USP3: variants seen among roughly 807,000 people sequenced by gnomAD.
USP3 encodes ubiquitin specific peptidase 3, also known as ubiquitin carboxyl-terminal hydrolase 3.
Under a neutral mutation model 72.3 loss-of-function variants are expected in USP3, and 20 were observed. That is an observed-to-expected ratio of 0.28 (90% CI 0.19 to 0.40). The LOEUF (loss-of-function observed/expected upper bound fraction) is 0.40, where lower values mean the gene tolerates loss of function less well. USP3 is among the 10% of genes least tolerant of loss of function. The probability of loss-of-function intolerance (pLI) is 1.00; values close to 1 mark genes in which losing one functional copy is unlikely to be tolerated. For missense variants in USP3, 479 were observed against 633.9 expected, an observed-to-expected ratio of 0.76 and a Z score of 2.62; for synonymous variants, 222 against 225.3, an observed-to-expected ratio of 0.99 and a Z score of 0.13.
At chr15:63,517,324 A>G (rs539688855) in intron 1 of USP3, among the ~76,000 whole-genome samples, 7 of 151,446 alleles carry the variant, frequency 4.6e-5, no homozygotes, top group African/African-American at 7.3e-5. Context: ...TCCTCTTGCT[A>G]TTGTTTTGCA....
chr15:63,508,998 C>G (rs1355809327), intron 1 of USP3, among the ~76,000 whole-genome samples: 1 of 151,870 alleles, frequency 6.6e-6, no homozygotes, highest in Admixed American at 6.6e-5. Flanking sequence ...GAGATAAACC[C>G]TTTTTTAAGA....
At chr15:63,533,783 T>G (rs371201278) in intron 2 of USP3, 8 of 1,070,786 alleles carry the variant, frequency 7.5e-6, no homozygotes, top group Non-Finnish European at 9.9e-6. Flanking sequence ...TTGTGGCTGT[T>G]GTGGTTTTGA....
intron 1 of USP3, among the ~76,000 whole-genome samples, chr15:63,519,229 G>C (rs781680776): frequency 6.6e-6 from 1 of 151,982 alleles, no homozygotes; most frequent in African/African-American, 2.4e-5. Flanking sequence ...AGCCACCCTG[G>C]ATCTAATCCA....
chr15:63,572,566 G>T (rs2066797196), intron 9 of USP3, among the ~76,000 whole-genome samples: 1 of 152,048 alleles, frequency 6.6e-6, no homozygotes, highest in Admixed American at 6.5e-5. Flanking sequence ...TATTTATTTT[G>T]TCAGTAAAGG....
At position 63,593,273 on chromosome 15, in the gene USP3, A is replaced by G. The variant is rs951729550; in HGVS notation, c.*2447A>G. ...ATGACAGCTCCACCTGATCTGATGT[A>G]TCACACATTAACATCACATCTAATT... is the stretch of plus-strand genomic sequence containing the variant. On this transcript the variant is annotated 3_prime_UTR_variant, in exon 15 of 15. Coordinates refer to ENST00000380324, the MANE Select transcript of USP3 (RefSeq NM_006537.4). 6.6e-6 allele frequency: 1 copy of G among 152,270 alleles called. No homozygotes were observed. The highest frequency in any genetic ancestry group is 2.4e-5 in the African/African-American group (1 of 41,480). 9.4% of individuals were successfully genotyped at this position (152,270 alleles called of 1,614,324 possible).
At chr15:63,541,319 C>T (rs1427521859) in intron 3 of USP3, among the ~76,000 whole-genome samples, 1 of 151,906 alleles carries the variant, frequency 6.6e-6, no homozygotes, top group African/African-American at 2.4e-5. Flanking sequence ...GAACATAAAG[C>T]TTTATTTGTG....
At chr15:63,513,623 C>T (rs1422955864) in intron 1 of USP3, among the ~76,000 whole-genome samples, 1 of 152,178 alleles carries the variant, frequency 6.6e-6, no homozygotes, top group African/African-American at 2.4e-5. Flanking sequence ...GATCTTTCCA[C>T]CTCAGCCTCC....
rs1318149318 is a variant in USP3 at position 63,504,731 on chromosome 15, C to T, written c.-9C>T. 3.1e-6 allele frequency: 5 copies of T among 1,601,562 alleles called. No individual in the cohort carries two copies. The Admixed American group carries it at 6.8e-5, about 22-fold the overall frequency. ...AGCCGCAGTCCTCCCAGCTGCCCTC[C>T]TCGTGGCCATGGAGTGTCCACACCT... is the stretch of plus-strand genomic sequence containing the variant. On this transcript the variant is annotated 5_prime_UTR_variant, in exon 1 of 15. Transcript: ENST00000380324.
At chr15:63,558,014 C>A in intron 5 of USP3, 92 bp from the exon 6 acceptor site, 1 of 1,343,444 alleles carries the variant, frequency 7.4e-7, no homozygotes, top group Non-Finnish European at 1.1e-6. Flanking sequence ...TGGCTTGGTG[C>A]TAGATTTCAG....
chr15:63,590,360 T>C (rs1445637771), intron 14 of USP3, among the ~76,000 whole-genome samples: 1 of 152,098 alleles, frequency 6.6e-6, no homozygotes, highest in Non-Finnish European at 1.5e-5. Flanking sequence ...TTCCTAAGAT[T>C]CTGATGGGAA....
intron 5 of USP3, 180 bp downstream of exon 5, chr15:63,556,928 T>C: frequency 1.9e-6 from 1 of 523,378 alleles, no homozygotes; most frequent in South Asian, 2.5e-5. Context: ...CCCCAGTGAG[T>C]CCATCTGTCA....
chr15:63,532,697 C>T lies in USP3; in HGVS notation c.142C>T (p.His48Tyr). 6.2e-7 allele frequency: 1 copy of T among 1,613,892 alleles called. No homozygotes were observed. The change falls in exon 2 of 15, where the codon CAC becomes TAC. Residue 48 changes from histidine to tyrosine, a missense_variant. Coordinates refer to ENST00000380324, the MANE Select transcript of USP3 (RefSeq NM_006537.4). ...GGTCTGTTTGACTTGTTCAAGTGTCCACTGTGGAAGGTAGGTGACATACTT... is the reference window on the plus strand; with the variant it reads ...GGTCTGTTTGACTTGTTCAAGTGTCTACTGTGGAAGGTAGGTGACATACTT... ...PWVCLTCSSV[H>Y]CGRYVNGHAK...
chr15:63,546,776 TG>T (rs879327849), intron 3 of USP3, among the ~76,000 whole-genome samples: 30 of 151,654 alleles, frequency 2.0e-4, no homozygotes, highest in Middle Eastern at 3.4e-3. Flanking sequence ...ATTTTTTGGG[TG>T]GGGGGTATTT....
chr15:63,523,494 T>G (rs2065944234), intron 1 of USP3, among the ~76,000 whole-genome samples: 1 of 152,242 alleles, frequency 6.6e-6, no homozygotes. Flanking sequence ...CAAAGGCAAC[T>G]CATTCTGTTT....
chr15:63,541,819 T>C (rs2066249394), intron 3 of USP3, among the ~76,000 whole-genome samples: 1 of 152,112 alleles, frequency 6.6e-6, no homozygotes, highest in Non-Finnish European at 1.5e-5. Flanking sequence ...TGCCCGTAAA[T>C]ATCAAAATGT....
At position 63,590,815 on chromosome 15, in the gene USP3, G is replaced by C; in HGVS notation, c.1552G>C (p.Asp518His). 6.2e-7 allele frequency: 1 copy of C among 1,612,100 alleles called. No homozygotes were observed. The change falls in exon 15 of 15, where the codon GAT (aspartate) becomes CAT (histidine). Residue 518 changes from aspartate (D) to histidine (H), a missense_variant. Transcript: ENST00000380324. ...YVEHQAKAGSDKL is the reference protein window; with the variant it reads ...YVEHQAKAGSHKL ...GGAACACCAGGCCAAAGCTGGATCG[G>C]ATAAACTTTAATACCTCCTCCAAAT...
chr15:63,580,445 T>G (rs1016871374), intron 11 of USP3, among the ~76,000 whole-genome samples: 5 of 151,764 alleles, frequency 3.3e-5, no homozygotes, highest in Admixed American at 3.3e-4. Flanking sequence ...TAATGTATAC[T>G]TCCAAACTAC....
intron 1 of USP3, among the ~76,000 whole-genome samples, chr15:63,520,724 C>T (rs868003586): frequency 2.4e-4 from 36 of 151,690 alleles, no homozygotes; most frequent in African/African-American, 7.8e-4. Flanking sequence ...CCACCATGTC[C>T]GGCCAATTTT....
In USP3 at chr15:63,574,318, T is replaced by A. The variant is rs755953579; in HGVS notation, c.1016-5T>A. 7 of 1,584,638 alleles carry A rather than the reference T, an allele frequency of 4.4e-6. No individual in the cohort carries two copies. The Admixed American group carries it at 1.3e-4, about 29-fold the overall frequency. ...GCTCTCTGTTTACCTCTCTCTCCTTTTAAGACCTTTCATTAGATATTCCAA... is the reference window on the plus strand; with the variant it reads ...GCTCTCTGTTTACCTCTCTCTCCTTATAAGACCTTTCATTAGATATTCCAA... On this transcript the variant is annotated splice_region_variant and splice_polypyrimidine_tract_variant and intron_variant, in intron 10 of 14. Transcript: ENST00000380324. The surrounding 1 kb of genome is among the most constrained non-coding windows in gnomAD (Gnocchi z 4.6).
Sources: allele counts gnomAD v4.1 joint callset (sites outside exome capture counted in the v4.1 genomes callset), GRCh38; gene constraint gnomAD v4.1.1; non-coding constraint Gnocchi (gnomAD v3.1); transcripts MANE v1.5; gene names NCBI Gene and HGNC (gene_info 2026-07-23, HGNC 2026-07-21).